DDRGK1: variants seen among roughly 807,000 people sequenced by gnomAD.
DDRGK1 encodes the protein DDRGK domain containing 1, also known as DDRGK domain-containing protein 1.
DDRGK1 carries 38 observed loss-of-function variants against 45.8 expected under a neutral mutation model. The observed-to-expected ratio is 0.83, with a 90% CI of 0.64 to 1.09. The LOEUF (loss-of-function observed/expected upper bound fraction) is 1.09. Among genes scored for constraint, DDRGK1 ranks in the 50% least tolerant of loss-of-function variants. The pLI, the probability that DDRGK1 is intolerant of heterozygous loss-of-function variation, is 0.00. For synonymous variants in DDRGK1, 171 were observed against 168.7 expected (o/e 1.01, Z -0.11); for missense variants, 403 against 419.9 (o/e 0.96, Z 0.35).
At chr20:3,199,944 A>C in intron 4 of DDRGK1, 57 bp downstream of exon 4, 1 of 1,496,538 alleles carries the variant, frequency 6.7e-7, no homozygotes, top group African/African-American at 1.4e-5. Flanking sequence ...GCTGCATAAG[A>C]AGCAAGGCTG....
intron 7 of DDRGK1, 36 bp from the exon 8 acceptor site, chr20:3,191,274 A>T: frequency 6.2e-7 from 1 of 1,610,588 alleles, no homozygotes; most frequent in Non-Finnish European, 8.5e-7. Context: ...AGAGATAGGC[A>T]CCAATGTCCC....
rs780004513 is a variant in DDRGK1 at position 3,200,027 on chromosome 20, GCTC to G, written c.481_483del (p.Glu161del). 8.7e-6 allele frequency: 14 copies of G among 1,613,354 alleles called. No individual in the cohort carries two copies. Among genetic ancestry groups the G allele is most frequent in the Non-Finnish European group, 1.2e-5 (14 of 1,179,904 alleles). ...TTCTGCTCCTCCTCCAGGCGAAGCC[GCTC>G]CTCCTCCTTCTTCCACTCAGCTTCG... is the stretch of plus-strand genomic sequence containing the variant. On this transcript the variant is annotated inframe_deletion, in exon 4 of 9. Transcript: ENST00000354488.
At chr20:3,202,335 C>T (rs1299374384) in intron 2 of DDRGK1, among the ~76,000 whole-genome samples, 3 of 152,168 alleles carry the variant, frequency 2.0e-5, no homozygotes, top group African/African-American at 7.2e-5. Flanking sequence ...CCAGAGTTCT[C>T]TGGCTTCTGT....
intron 1 of DDRGK1, 80 bp downstream of exon 1, chr20:3,204,457 G>T: frequency 7.0e-7 from 1 of 1,424,896 alleles, no homozygotes; most frequent in Non-Finnish European, 9.5e-7. Flanking sequence ...ACGCGCAGGA[G>T]CCGCGGCGCG....
chr20:3,190,882 T>C, intron 8 of DDRGK1, 63 bp from the exon 9 acceptor site: 2 of 1,538,456 alleles, frequency 1.3e-6, no homozygotes, highest in Non-Finnish European at 1.8e-6. Context: ...GGCCTGAGAA[T>C]GCCCACCTAC....
chr20:3,191,357 G>A (rs956745023), intron 7 of DDRGK1, 119 bp from the exon 8 acceptor site: 2 of 1,170,546 alleles, frequency 1.7e-6, no homozygotes, highest in Admixed American at 1.9e-5. Flanking sequence ...ACGCCCAAAT[G>A]TGACTCTGTG....
At chr20:3,196,659 G>C (rs544088702) in intron 4 of DDRGK1, among the ~76,000 whole-genome samples, 31 of 151,870 alleles carry the variant, frequency 2.0e-4, no homozygotes, top group Admixed American at 4.6e-4. Context: ...CCAGCCTGGG[G>C]GACAGAGCGA....
intron 8 of DDRGK1, 61 bp downstream of exon 8, chr20:3,191,110 TCTGCAGCACATCCCTGCAG>T: frequency 6.3e-7 from 1 of 1,575,160 alleles, no homozygotes; most frequent in Non-Finnish European, 8.7e-7. Flanking sequence ...TCATCCTGCC[TCTGCAGCACATCCCTGCAG>T]CCCCTGTGGC....
In DDRGK1 at chr20:3,204,653, T is replaced by G. The variant is rs201087706; in HGVS notation, c.-26A>C. 7 of 1,559,184 alleles carry G rather than the reference T, an allele frequency of 4.5e-6. No homozygotes were observed. The highest frequency in any genetic ancestry group is 2.3e-5 in the South Asian group (2 of 85,416). ...GACGAGGGCCTCAGTGCAGAACCAC[T>G]GCGTCCACCCTGAGGCCGGGATCTC... On this transcript the variant is annotated 5_prime_UTR_variant, in exon 1 of 9. Transcript: ENST00000354488.
Position 3,204,674 on chromosome 20 carries a change from A to C in DDRGK1, c.-47T>G, listed in dbSNP as rs973389512. 2 of 1,527,234 alleles carry C rather than the reference A, an allele frequency of 1.3e-6. No homozygotes were observed. The highest frequency in any genetic ancestry group is 1.8e-6 in the Non-Finnish European group (2 of 1,135,404). The allele number at this position is 1,527,234 out of a possible 1,614,324, so 94.6% of individuals were successfully genotyped here. A position where few individuals can be genotyped will look rare whatever the true frequency, so the allele number is the denominator to read the frequency against. Reference sequence around the variant, plus strand: ...CCACTGCGTCCACCCTGAGGCCGGGATCTCATAGGCCCCGCCCCTATTTCC... The same window carrying C: ...CCACTGCGTCCACCCTGAGGCCGGGCTCTCATAGGCCCCGCCCCTATTTCC... On this transcript the variant is annotated 5_prime_UTR_variant, in exon 1 of 9. Coordinates refer to ENST00000354488, the MANE Select transcript of DDRGK1 (RefSeq NM_023935.3).
chr20:3,201,287 CAAAA>C (rs60867959), intron 2 of DDRGK1, among the ~76,000 whole-genome samples: 133 of 94,422 alleles, frequency 1.4e-3, no homozygotes, highest in East Asian at 3.1e-3. Flanking sequence ...GACTCTGTCT[CAAAA>C]AAAAAAAAAA....
intron 2 of DDRGK1, among the ~76,000 whole-genome samples, chr20:3,202,936 A>T (rs996684646): frequency 6.6e-6 from 1 of 152,188 alleles, no homozygotes; most frequent in Non-Finnish European, 1.5e-5. Flanking sequence ...CATAACAGGA[A>T]GGGTGCGAGG....
At chr20:3,200,582 C>T (rs546300494) in intron 2 of DDRGK1, 128 bp from the exon 3 acceptor site, 1 of 756,648 alleles carries the variant, frequency 1.3e-6, no homozygotes, top group Admixed American at 2.3e-5. Flanking sequence ...GTCACTAGCC[C>T]AGCTCTGCCC....
At chr20:3,198,490 C>G (rs1394732601) in intron 4 of DDRGK1, among the ~76,000 whole-genome samples, 1 of 149,876 alleles carries the variant, frequency 6.7e-6, no homozygotes, top group Admixed American at 6.7e-5. Flanking sequence ...CACCTGAGGT[C>G]GGGAGTTCGA....
At position 3,200,120 on chromosome 20, in the gene DDRGK1, TA is replaced by T. The variant is rs577306246; in HGVS notation, c.409-19del. The T allele has an allele frequency of 1.7e-3, 2,732 of 1,609,966 alleles. 18 individuals are homozygous for T. Among genetic ancestry groups the T allele is most frequent in the Non-Finnish European group, 9.8e-4 (1,158 of 1,178,158 alleles). ...TCCTCTGCCTGGAGAGAGGTCTTCATAGGGGCACATCCCTCACCCCCGGCTA... is the reference window on the plus strand; with the variant it reads ...TCCTCTGCCTGGAGAGAGGTCTTCATGGGGCACATCCCTCACCCCCGGCTA... On this transcript the variant is annotated intron_variant, in intron 3 of 8. Transcript: ENST00000354488.
chr20:3,193,660 C>T (rs1452563044), intron 6 of DDRGK1, among the ~76,000 whole-genome samples: 1 of 152,190 alleles, frequency 6.6e-6, no homozygotes, highest in African/African-American at 2.4e-5. Context: ...CGTGAGCCAC[C>T]ATGCCCGGAC....
At chr20:3,203,521 TGCCCACA>T (rs1371198725) in intron 1 of DDRGK1, 105 bp from the exon 2 acceptor site, 37 of 1,385,990 alleles carry the variant, frequency 2.7e-5, no homozygotes, top group Non-Finnish European at 3.3e-5. Flanking sequence ...AGCGGCCTGC[TGCCCACA>T]GCACAAGGCC....
rs147691744 is a variant in DDRGK1 at position 3,203,264 on chromosome 20, G to A, written c.244C>T (p.Arg82Trp). The part of the protein sequence containing the change: ...SRLQAQRRAQ[R>W]VAWAEADENE... ...TCATCTGCTTCTGCCCAGGCCACCC[G>A]CTGGGCTCGACGCTGGGCCTGTAGG... is the stretch of plus-strand genomic sequence containing the variant. Residue 82 changes from arginine to tryptophan, a missense_variant, in exon 2 of 9, where the codon CGG (arginine) becomes TGG (tryptophan). By Grantham distance (101) the Arg-to-Trp change is moderately radical (BLOSUM62 -3). Coordinates refer to ENST00000354488, the MANE Select transcript of DDRGK1 (RefSeq NM_023935.3). The A allele has an allele frequency of 4.0e-5, 65 of 1,605,642 alleles. No individual in the cohort carries two copies. Among genetic ancestry groups the A allele is most frequent in the African/African-American group, 3.6e-4 (27 of 74,698 alleles).
intron 4 of DDRGK1, among the ~76,000 whole-genome samples, chr20:3,198,714 AAAAAAC>A (rs1285656586): frequency 3.5e-5 from 5 of 143,224 alleles, no homozygotes; most frequent in South Asian, 2.3e-4. Context: ...AAAAAAAAAA[AAAAAAC>A]AAAACAGAAA....
Sources: allele counts gnomAD v4.1 joint callset (sites outside exome capture counted in the v4.1 genomes callset), GRCh38; gene constraint gnomAD v4.1.1; transcripts MANE v1.5; gene names NCBI Gene and HGNC (gene_info 2026-07-23, HGNC 2026-07-21).